Variants in EPB41L4A observed in about 807,000 individuals in gnomAD.
EPB41L4A encodes erythrocyte membrane protein band 4.1 like 4A.
A neutral mutation model predicts 108.6 loss-of-function variants in EPB41L4A; 100 were observed. The observed-to-expected ratio is 0.92, with a 90% CI of 0.78 to 1.09. EPB41L4A has a LOEUF of 1.09. EPB41L4A is among the 50% of genes least tolerant of loss of function. The pLI is 0.00. For missense variants in EPB41L4A, 1,030 were observed against 842.7 expected (o/e 1.22, Z -2.75); for synonymous variants, 319 against 289.0 (o/e 1.10, Z -1.05).
intron 12 of EPB41L4A, among the ~76,000 whole-genome samples, chr5:112,229,080 T>C (rs1748678293): frequency 6.6e-6 from 1 of 152,248 alleles, no homozygotes; most frequent in Non-Finnish European, 1.5e-5. Context: ...ATTGAATTAC[T>C]TTAACTTCGG....
chr5:112,375,698 T>C (rs1230925033), intron 1 of EPB41L4A, among the ~76,000 whole-genome samples: 1 of 152,090 alleles, frequency 6.6e-6, no homozygotes, highest in African/African-American at 2.4e-5. Context: ...CAGGACTGTG[T>C]AGGTCTGGGC....
Position 112,301,669 on chromosome 5 carries a change from T to C in EPB41L4A, c.204+5717A>G, listed in dbSNP as rs542341165. Among the ~76,000 whole-genome samples the C allele has an allele frequency of 2.0e-5, 3 of 152,310 alleles. No homozygotes were observed. The East Asian group carries it at 5.8e-4, about 29-fold the overall frequency. On this transcript the variant is annotated intron_variant, in intron 2 of 22. Coordinates refer to ENST00000261486, the MANE Select transcript of EPB41L4A (RefSeq NM_022140.5). ...TTTCACAATGCAAGTCTCTACACAC[T>C]GCACGATCCGTCCGAGTGGGAACTG...
At position 112,270,991 on chromosome 5, in the gene EPB41L4A, A is replaced by G. The variant is rs79139074; in HGVS notation, c.335+4335T>C. Reference sequence around the variant, plus strand: ...TCCTTAAAAGTTCAGGGACATTCCAATGGCATTTCAGATAGGGCTGTCAGC... The same window carrying G: ...TCCTTAAAAGTTCAGGGACATTCCAGTGGCATTTCAGATAGGGCTGTCAGC... On this transcript the variant is annotated intron_variant, in intron 4 of 22. Transcript: ENST00000261486. 5.9e-3 allele frequency among the ~76,000 whole-genome samples: 893 copies of G among 152,304 alleles called. 3 individuals carry two copies. Among genetic ancestry groups the G allele is most frequent in the Middle Eastern group, 0.01 (3 of 294 alleles).
intron 12 of EPB41L4A, among the ~76,000 whole-genome samples, chr5:112,156,185 TA>T (rs144283336): frequency 6.6e-6 from 1 of 151,892 alleles, no homozygotes; most frequent in Non-Finnish European, 1.5e-5. Flanking sequence ...ATTCTTAATT[TA>T]AAAAAAACTA....
intron 18 of EPB41L4A, among the ~76,000 whole-genome samples, chr5:112,176,277 T>C (rs1431404148): frequency 6.6e-6 from 1 of 152,166 alleles, no homozygotes; most frequent in African/African-American, 2.4e-5. Context: ...ATTTTATTAA[T>C]TGTCAATCAA....
At chr5:112,234,981 A>G (rs917232877) in intron 11 of EPB41L4A, among the ~76,000 whole-genome samples, 2 of 152,232 alleles carry the variant, frequency 1.3e-5, no homozygotes, top group Non-Finnish European at 2.9e-5. Context: ...GGAAACAGGA[A>G]GAAAGAATTT....
At chr5:112,266,403 T>A (rs1237303808) in intron 4 of EPB41L4A, 73 bp from the exon 5 acceptor site, 2 of 1,028,514 alleles carry the variant, frequency 1.9e-6, no homozygotes, top group African/African-American at 3.3e-5. Flanking sequence ...ACCCTGATAA[T>A]CAAGGTTAAC....
intron 1 of EPB41L4A, among the ~76,000 whole-genome samples, chr5:112,345,580 T>C (rs1299193178): frequency 1.3e-5 from 2 of 152,148 alleles, no homozygotes; most frequent in Non-Finnish European, 2.9e-5. Flanking sequence ...CAATATATTA[T>C]TTATACAATG....
At chr5:112,261,866 TAC>T (rs1751510894) in intron 7 of EPB41L4A, among the ~76,000 whole-genome samples, 1 of 150,808 alleles carries the variant, frequency 6.6e-6, no homozygotes, top group Admixed American at 6.6e-5. Context: ...TTCTGTCTAA[TAC>T]AGTCAATTAC....
At chr5:112,325,139 C>CA (rs11392450) in intron 1 of EPB41L4A, among the ~76,000 whole-genome samples, 33,796 of 152,048 alleles carry the variant, frequency 0.22, 5,173 homozygotes, top group African/African-American at 0.43. Flanking sequence ...AGAAATTACG[C>CA]ACAATTAAAA....
rs373289405 is a variant in EPB41L4A at position 112,239,617 on chromosome 5, T to A, written c.965+43A>T. On this transcript the variant is annotated intron_variant, in intron 11 of 22. Transcript: ENST00000261486. ...CATGTATGACAGCTGAATTAAGTATTTATTTACAAACACATCCCCCCAAGG... is the reference window on the plus strand; with the variant it reads ...CATGTATGACAGCTGAATTAAGTATATATTTACAAACACATCCCCCCAAGG... The A allele has an allele frequency of 3.2e-5, 41 of 1,280,324 alleles. No homozygotes were observed. In the African/African-American group the frequency reaches 5.3e-4, roughly 17 times the overall value. 79.3% of individuals were successfully genotyped at this position (1,280,324 alleles called of 1,614,324 possible). A position where few individuals can be genotyped will look rare whatever the true frequency, so the allele number is the denominator to read the frequency against.
At chr5:112,374,440 G>GA (rs1369857691) in intron 1 of EPB41L4A, among the ~76,000 whole-genome samples, 1 of 152,164 alleles carries the variant, frequency 6.6e-6, no homozygotes, top group Non-Finnish European at 1.5e-5. Context: ...TAAAGATGAT[G>GA]AAAAGAAGTT....
chr5:112,151,580 G>T lies in EPB41L4A; in HGVS notation n.995-5582C>A, dbSNP rs180863253. Among the ~76,000 whole-genome samples the T allele has an allele frequency of 1.9e-3, 284 of 151,816 alleles. 1 individual carries two copies. The highest frequency in any genetic ancestry group is 6.3e-3 in the African/African-American group (261 of 41,454). ...GTGCCATCACACCCAGATAATTTTT[G>T]TATTTCTTGTAGAGATGGGGTTTCA... On this transcript the variant is annotated intron_variant and non_coding_transcript_variant, in intron 12 of 13. Coordinates refer to the EPB41L4A transcript ENST00000507810.
chr5:112,228,281 C>G (rs1311808659), intron 12 of EPB41L4A: 1 of 152,220 alleles, frequency 6.6e-6, no homozygotes, highest in Non-Finnish European at 1.5e-5. Context: ...TTGTACTTCT[C>G]TTGAAACACT....
At chr5:112,218,219 G>A (rs929041296) in intron 12 of EPB41L4A, among the ~76,000 whole-genome samples, 5 of 151,948 alleles carry the variant, frequency 3.3e-5, no homozygotes, top group African/African-American at 1.2e-4. Context: ...TCTATCTGAA[G>A]ATTTGTAATC....
intron 9 of EPB41L4A, among the ~76,000 whole-genome samples, chr5:112,245,863 GAA>G (rs1750173471): frequency 6.6e-6 from 1 of 152,174 alleles, no homozygotes; most frequent in South Asian, 2.1e-4. Flanking sequence ...AAACATACCA[GAA>G]AAGAGTGTCA....
At chr5:112,191,243 G>A (rs910891976) in intron 17 of EPB41L4A, among the ~76,000 whole-genome samples, 4 of 152,154 alleles carry the variant, frequency 2.6e-5, no homozygotes, top group Non-Finnish European at 4.4e-5. Context: ...AATTACTCTG[G>A]TGTTCTAGGA....
At chr5:112,305,287 G>A (rs953882057) in intron 2 of EPB41L4A, among the ~76,000 whole-genome samples, 8 of 152,114 alleles carry the variant, frequency 5.3e-5, no homozygotes, top group Middle Eastern at 3.2e-3. Flanking sequence ...ACAGTCGGTG[G>A]TGCACTGATG....
At chr5:112,297,363 G>A (rs1754064936) in intron 2 of EPB41L4A, among the ~76,000 whole-genome samples, 1 of 152,034 alleles carries the variant, frequency 6.6e-6, no homozygotes, top group African/African-American at 2.4e-5. Context: ...TTGCATTGTG[G>A]TTTTGATGTG....
Sources: gnomAD v4.1 joint callset for allele counts (sites outside exome capture counted in the v4.1 genomes callset) on GRCh38, gnomAD v4.1.1 for gene constraint, MANE v1.5 for transcripts, NCBI Gene and HGNC (gene_info 2026-07-23, HGNC 2026-07-21) for gene names.